Variants in SMARCA2 observed in about 807,000 individuals in gnomAD.
SMARCA2 encodes SWI/SNF-related matrix-associated actin-dependent regulator of chromatin subfamily A member 2.
In SMARCA2, 61 loss-of-function variants were observed where a neutral mutation model predicts 199.8. The observed-to-expected ratio is 0.31, with a 90% CI of 0.25 to 0.38. SMARCA2 has a LOEUF of 0.38. Among genes scored for constraint, SMARCA2 ranks in the 10% least tolerant of loss-of-function variants. The pLI, the probability that SMARCA2 is intolerant of heterozygous loss-of-function variation, is 1.00. For missense variants in SMARCA2, 1,344 were observed against 2,012.2 expected, an observed-to-expected ratio of 0.67 and a Z score of 6.35; for synonymous variants, 935 against 732.0, an observed-to-expected ratio of 1.28 and a Z score of -4.48.
At chr9:2,103,532 G>C (rs1822618471) in intron 22 of SMARCA2, among the ~76,000 whole-genome samples, 1 of 152,046 alleles carries the variant, frequency 6.6e-6, no homozygotes, top group African/African-American at 2.4e-5. Flanking sequence ...TACATAGTAG[G>C]TGATCAGTAA....
chr9:2,070,316 A>G lies in SMARCA2; in HGVS notation c.1693-102A>G. ...AACACTTAAGCTGTGTTAGATAATA[A>G]TGGGGTAACAATGAAATCCTATTAC... On this transcript the variant is annotated intron_variant, in intron 9 of 33. Coordinates refer to ENST00000349721, the MANE Select transcript of SMARCA2 (RefSeq NM_003070.5). 8 of 896,198 alleles carry G rather than the reference A, an allele frequency of 8.9e-6. No individual in the cohort carries two copies. The South Asian group carries it at 9.7e-5, about 11-fold the overall frequency. The allele number at this position is 896,198 out of a possible 1,614,324, so 55.5% of individuals were successfully genotyped here.
chr9:2,191,647 G>C, intron 33 of SMARCA2: 1 of 367,000 alleles, frequency 2.7e-6, no homozygotes, highest in Non-Finnish European at 4.9e-6. Flanking sequence ...ACCAAATCAA[G>C]CTTCCCTTTC....
At chr9:2,082,837 A>G (rs949315231) in intron 15 of SMARCA2, among the ~76,000 whole-genome samples, 1 of 152,198 alleles carries the variant, frequency 6.6e-6, no homozygotes, top group Admixed American at 6.5e-5. Context: ...ATATTTAGGC[A>G]TCTTTTGCAT....
rs1452889505 is a variant in SMARCA2, at chr9:2,106,506, C to G, written c.3292+2337C>G. 9.2e-5 allele frequency among the ~76,000 whole-genome samples: 14 copies of G among 152,140 alleles called. 1 individual carries two copies. The highest frequency in any genetic ancestry group is 8.5e-4 in the Admixed American group (13 of 15,278). Reference sequence around the variant, plus strand: ...GGCATCTTTCCGTAAGAAACAGCAGCCGTTCCTTTTAAGGGTGGACAGAAC... The same window carrying G: ...GGCATCTTTCCGTAAGAAACAGCAGGCGTTCCTTTTAAGGGTGGACAGAAC... On this transcript the variant is annotated intron_variant, in intron 23 of 33. Transcript: ENST00000349721.
At chr9:2,160,392 T>C in intron 27 of SMARCA2, 1 of 540,558 alleles carries the variant, frequency 1.8e-6, no homozygotes, top group East Asian at 2.9e-5. Flanking sequence ...ATTTGCACAT[T>C]GGAGGATGCG....
chr9:2,184,773 C>G (rs1563839718), intron 31 of SMARCA2, among the ~76,000 whole-genome samples: 1 of 152,138 alleles, frequency 6.6e-6, no homozygotes, highest in African/African-American at 2.4e-5. Flanking sequence ...TTTCTCACCG[C>G]TGAAGGAATT....
intron 27 of SMARCA2, among the ~76,000 whole-genome samples, chr9:2,137,828 G>C (rs1406339648): frequency 1.3e-5 from 2 of 152,146 alleles, no homozygotes; most frequent in Non-Finnish European, 2.9e-5. Context: ...GAGGGATTTG[G>C]TTGCAGCCCC....
At chr9:2,102,769 C>G (rs1185014171) in intron 22 of SMARCA2, among the ~76,000 whole-genome samples, 6 of 152,100 alleles carry the variant, frequency 3.9e-5, no homozygotes, top group Non-Finnish European at 8.8e-5. Context: ...CCATAGTGAT[C>G]TTATAAAAAG....
At chr9:2,075,843 G>C (rs1821301066) in intron 12 of SMARCA2, among the ~76,000 whole-genome samples, 1 of 152,156 alleles carries the variant, frequency 6.6e-6, no homozygotes, top group Admixed American at 6.5e-5. Context: ...GTGTTTTTAT[G>C]AGAAGGAGGA....
At chr9:2,105,993 A>G (rs1173714640) in intron 23 of SMARCA2, among the ~76,000 whole-genome samples, 2 of 152,220 alleles carry the variant, frequency 1.3e-5, no homozygotes, top group African/African-American at 4.8e-5. Context: ...GTTCTCTTTA[A>G]TAGTTTATTG....
At chr9:2,085,939 G>A (rs1176533209) in intron 17 of SMARCA2, 3 of 152,212 alleles carry the variant, frequency 2.0e-5, no homozygotes, top group South Asian at 2.1e-4. Context: ...GAGGACTGAA[G>A]GGTAAGGTAT....
intron 27 of SMARCA2, among the ~76,000 whole-genome samples, chr9:2,130,308 C>G (rs536225886): frequency 6.6e-6 from 1 of 152,380 alleles, no homozygotes; most frequent in South Asian, 2.1e-4. Context: ...GCACCATGTG[C>G]TGTGGCTTCT....
chr9:2,171,721 TTGGG>T (rs1435833018), intron 29 of SMARCA2, among the ~76,000 whole-genome samples: 1 of 152,206 alleles, frequency 6.6e-6, no homozygotes, highest in Non-Finnish European at 1.5e-5. Context: ...ATCAACCAAC[TTGGG>T]TAAATATTTC....
intron 27 of SMARCA2, among the ~76,000 whole-genome samples, chr9:2,156,098 A>G (rs757402926): frequency 1.1e-4 from 16 of 152,222 alleles, no homozygotes; most frequent in Non-Finnish European, 2.1e-4. Flanking sequence ...TGCTATACAC[A>G]GTTATTTTCT....
intron 1 of SMARCA2, among the ~76,000 whole-genome samples, chr9:2,020,844 C>T (rs1171967350): frequency 2.6e-5 from 4 of 152,224 alleles, no homozygotes; most frequent in African/African-American, 4.8e-5. Context: ...GATATAAACA[C>T]CTCATTAATT....
At chr9:2,177,319 C>T (rs1826677860) in intron 29 of SMARCA2, among the ~76,000 whole-genome samples, 1 of 152,178 alleles carries the variant, frequency 6.6e-6, no homozygotes, top group Admixed American at 6.5e-5. Context: ...TAAATCATGA[C>T]ATCATTTTCT....
rs537869234 is a variant in SMARCA2, at chr9:2,061,397, T to A, written c.1692+411T>A. Among the ~76,000 whole-genome samples, 61 of 152,318 alleles carry A rather than the reference T, an allele frequency of 4.0e-4. No homozygotes were observed. In the South Asian group the frequency reaches 7.3e-3, roughly 18 times the overall value. On this transcript the variant is annotated intron_variant, in intron 9 of 33. Transcript: ENST00000349721. Reference sequence around the variant, plus strand: ...CAGGTTGGAAGAAGCCAGAGGAAGATATAAGCAATAGTTACTTGGACAGAT... The same window carrying A: ...CAGGTTGGAAGAAGCCAGAGGAAGAAATAAGCAATAGTTACTTGGACAGAT...
At chr9:2,176,279 C>A (rs571794404) in intron 29 of SMARCA2, among the ~76,000 whole-genome samples, 1 of 148,062 alleles carries the variant, frequency 6.8e-6, no homozygotes, top group African/African-American at 2.5e-5. Flanking sequence ...CTTGTTCTTT[C>A]CACAACTGTT....
At chr9:2,107,080 T>C (rs1019417669) in intron 23 of SMARCA2, among the ~76,000 whole-genome samples, 9 of 152,136 alleles carry the variant, frequency 5.9e-5, no homozygotes, top group Admixed American at 4.6e-4. Flanking sequence ...TGAATCTCCC[T>C]GAACAATATT....
Sources: allele counts gnomAD v4.1 joint callset (sites outside exome capture counted in the v4.1 genomes callset), GRCh38; gene constraint gnomAD v4.1.1; transcripts MANE v1.5; gene names NCBI Gene and HGNC (gene_info 2026-07-23, HGNC 2026-07-21).